TMEM266: variants seen among roughly 807,000 people sequenced by gnomAD.
TMEM266 encodes the protein transmembrane protein 266, also known as Hv1 related protein 1.
Under a neutral mutation model 50.5 loss-of-function variants are expected in TMEM266, and 33 were observed. The ratio of observed to expected loss-of-function variants is 0.65; its 90% CI spans 0.50 to 0.87. The LOEUF is 0.87. Ranked by LOEUF, TMEM266 falls within the 40% of genes least tolerant of loss-of-function variation. TMEM266 has a pLI of 0.00. For synonymous variants in TMEM266, 310 were observed against 292.3 expected, an observed-to-expected ratio of 1.06 and a Z score of -0.62; for missense variants, 655 against 695.1, an observed-to-expected ratio of 0.94 and a Z score of 0.65.
intron 3 of TMEM266, among the ~76,000 whole-genome samples, chr15:76,144,815 G>A (rs149264367): frequency 6.6e-6 from 1 of 152,154 alleles, no homozygotes. Flanking sequence ...AGGGGAGAAG[G>A]GGAACAGGGG....
rs1386270411 is a variant in TMEM266, at chr15:76,204,177, C to A, written c.1458C>A (p.Asn486Lys). The A allele has an allele frequency of 6.2e-7, 1 of 1,613,782 alleles. No homozygotes were observed. Among genetic ancestry groups the A allele is most frequent in the East Asian group, 2.2e-5 (1 of 44,868 alleles). ...TGGAACACAGGGTAAGTCTGTTCAA[C>A]CAGAAGAACCAGGAGGGCTTCACTG... The change falls in exon 11 of 11, where the codon AAC becomes AAA. Residue 486 changes from asparagine (N) to lysine (K), a missense_variant. Transcript: ENST00000388942.
intron 1 of TMEM266, among the ~76,000 whole-genome samples, chr15:76,110,547 T>C (rs2037155895): frequency 1.3e-5 from 2 of 152,168 alleles, no homozygotes; most frequent in Admixed American, 6.5e-5. Flanking sequence ...TTGGGTTCTG[T>C]TCAGAGCAGA....
intron 1 of TMEM266, among the ~76,000 whole-genome samples, chr15:76,079,091 G>A (rs534443903): frequency 6.6e-6 from 1 of 152,328 alleles, no homozygotes; most frequent in African/African-American, 2.4e-5. Flanking sequence ...CGTGGCTCAC[G>A]CCTATAATCC....
intron 2 of TMEM266, among the ~76,000 whole-genome samples, chr15:76,134,779 T>C (rs1464043902): frequency 6.6e-6 from 1 of 152,256 alleles, no homozygotes; most frequent in Non-Finnish European, 1.5e-5. Flanking sequence ...AGTATGAATC[T>C]GTTATCTATT....
At chr15:76,201,221 C>T (rs574251456) in intron 9 of TMEM266, among the ~76,000 whole-genome samples, 15 of 152,192 alleles carry the variant, frequency 9.9e-5, no homozygotes, top group Non-Finnish European at 2.2e-4. Context: ...TGACCAAGTT[C>T]AGACCATCCT....
At chr15:76,137,528 T>G (rs1259827990) in intron 2 of TMEM266, among the ~76,000 whole-genome samples, 179 bp from the exon 3 acceptor site, 2 of 152,166 alleles carry the variant, frequency 1.3e-5, no homozygotes, top group Non-Finnish European at 2.9e-5. Context: ...GAGATGGGAC[T>G]GTTAGGGCCT....
chr15:76,192,181 C>T, intron 9 of TMEM266, 24 bp downstream of exon 9: 1 of 1,390,190 alleles, frequency 7.2e-7, no homozygotes, highest in Non-Finnish European at 9.3e-7. Context: ...TCCACCCGGC[C>T]CCAGAGTGTC....
At position 76,161,838 on chromosome 15, in the gene TMEM266, C is replaced by T. The variant is rs1216152856; in HGVS notation, c.456+1670C>T. 6.6e-6 allele frequency among the ~76,000 whole-genome samples: 1 copy of T among 152,246 alleles called. No homozygotes were observed. Among genetic ancestry groups the T allele is most frequent in the Non-Finnish European group, 1.5e-5 (1 of 68,042 alleles). On this transcript the variant is annotated intron_variant, in intron 5 of 10. Transcript: ENST00000388942. The surrounding 1 kb of genome is among the most constrained non-coding windows in gnomAD (Gnocchi z 4.1). ...CCCGGCCAGGATTCCCTCCCGCAAACACATGGGCCGTGGCCAGATGTCTCC... is the reference window on the plus strand; with the variant it reads ...CCCGGCCAGGATTCCCTCCCGCAAATACATGGGCCGTGGCCAGATGTCTCC...
chr15:76,204,481 T>C lies in TMEM266; in HGVS notation c.*166T>C, dbSNP rs2038805624. ...GACGCCAGGCCAGGAGGCCACAAGC[T>C]TCAGACCTCAAAGCCCAGAGCTGGC... On this transcript the variant is annotated 3_prime_UTR_variant, in exon 11 of 11. Coordinates refer to ENST00000388942, the MANE Select transcript of TMEM266 (RefSeq NM_152335.3). 1.7e-6 allele frequency: 1 copy of C among 602,034 alleles called. No homozygotes were observed. The highest frequency in any genetic ancestry group is 1.9e-5 in the African/African-American group (1 of 53,844). 37.3% of individuals were successfully genotyped at this position (602,034 alleles called of 1,614,324 possible).
At position 76,159,868 on chromosome 15, in the gene TMEM266, C is replaced by T. The variant is rs77038201; in HGVS notation, c.383-227C>T. Among the ~76,000 whole-genome samples the T allele has an allele frequency of 4.1e-3, 627 of 152,078 alleles. 6 individuals are homozygous for T. The highest frequency in any genetic ancestry group is 0.014 in the African/African-American group (600 of 41,454). On this transcript the variant is annotated intron_variant, in intron 4 of 10. Coordinates refer to ENST00000388942, the MANE Select transcript of TMEM266 (RefSeq NM_152335.3). ...TGGGGGAGAAGGAGGCAGTCCCTTG[C>T]GTCGGAGGCAAGAAGAACAGCATCG...
chr15:76,143,963 T>C (rs1339357205), intron 3 of TMEM266, among the ~76,000 whole-genome samples: 1 of 152,150 alleles, frequency 6.6e-6, no homozygotes, highest in Non-Finnish European at 1.5e-5. Context: ...CTCAGAATCC[T>C]GATGAGTGTC....
intron 1 of TMEM266, among the ~76,000 whole-genome samples, chr15:76,133,050 G>A (rs1460204594): frequency 6.6e-6 from 1 of 151,530 alleles, no homozygotes; most frequent in Non-Finnish European, 1.5e-5. Flanking sequence ...GGTCACTTGA[G>A]CCCAGGAGGT....
chr15:76,119,324 C>T (rs1019137423), intron 1 of TMEM266, among the ~76,000 whole-genome samples: 2 of 138,490 alleles, frequency 1.4e-5, no homozygotes, highest in Non-Finnish European at 3.1e-5. Context: ...GAAGGACACA[C>T]AAGGAAACCC....
At chr15:76,191,322 G>A (rs756844156) in intron 8 of TMEM266, 1 of 152,280 alleles carries the variant, frequency 6.6e-6, no homozygotes, top group Non-Finnish European at 1.5e-5. Flanking sequence ...GCCCTTAAGA[G>A]GAAGCAACCC....
At chr15:76,165,097 AGG>A (rs1267254260) in intron 5 of TMEM266, among the ~76,000 whole-genome samples, 1 of 152,272 alleles carries the variant, frequency 6.6e-6, no homozygotes, top group African/African-American at 2.4e-5. Flanking sequence ...AGGAAGGGGC[AGG>A]AGCCCTTTCT....
At chr15:76,074,771 A>C (rs1189040309) in intron 1 of TMEM266, among the ~76,000 whole-genome samples, 1 of 152,040 alleles carries the variant, frequency 6.6e-6, no homozygotes, top group Non-Finnish European at 1.5e-5. Flanking sequence ...GGTGAGGAGG[A>C]GACAGAAAGG....
At chr15:76,107,188 T>G (rs1195234791) in intron 1 of TMEM266, among the ~76,000 whole-genome samples, 1 of 152,222 alleles carries the variant, frequency 6.6e-6, no homozygotes, top group Non-Finnish European at 1.5e-5. Context: ...GTCCAGAGTA[T>G]TATTATTTCA....
intron 9 of TMEM266, 93 bp from the exon 10 acceptor site, chr15:76,202,109 G>C (rs566704141): frequency 9.1e-7 from 1 of 1,099,766 alleles, no homozygotes; most frequent in South Asian, 1.6e-5. Context: ...TGAGACAGCT[G>C]CCTTCTCTTG....
At chr15:76,088,416 G>A (rs1484811671) in intron 1 of TMEM266, among the ~76,000 whole-genome samples, 2 of 152,186 alleles carry the variant, frequency 1.3e-5, no homozygotes, top group Admixed American at 1.3e-4. Context: ...CACTTTAGAG[G>A]CCAAGGCAGG....
Sources: gnomAD v4.1 joint callset for allele counts (sites outside exome capture counted in the v4.1 genomes callset) on GRCh38, gnomAD v4.1.1 for gene constraint, Gnocchi (gnomAD v3.1) non-coding constraint, MANE v1.5 for transcripts, NCBI Gene and HGNC (gene_info 2026-07-23, HGNC 2026-07-21) for gene names.